ROPN1L: variants seen among roughly 807,000 people sequenced by gnomAD.
The protein encoded by ROPN1L is rhophilin associated tail protein 1 like, also known as ropporin-1-like protein.
ROPN1L carries 23 observed loss-of-function variants against 22.7 expected under a neutral mutation model. The ratio of observed to expected loss-of-function variants is 1.01; its 90% CI spans 0.73 to 1.43. The LOEUF is 1.43. Ranked by LOEUF, ROPN1L falls within the 40% of genes most tolerant of loss-of-function variation. The pLI is 0.00. For missense variants in ROPN1L, 271 were observed against 291.5 expected (o/e 0.93, Z 0.51); for synonymous variants, 116 against 117.8 (o/e 0.98, Z 0.10).
Position 10,442,306 on chromosome 5 carries a change from C to G in ROPN1L, c.131+8C>G, listed in dbSNP as rs1740910285. ...GCTGCGGTGGTCCGCGGGGTAAGCG[C>G]CCTTGGCCCGGGGAGCTGTCCGGTC... On this transcript the variant is annotated splice_region_variant and intron_variant, in intron 1 of 4. Transcript: ENST00000274134. The G allele has an allele frequency of 8.7e-6, 14 of 1,612,464 alleles. No homozygotes were observed. Among genetic ancestry groups the G allele is most frequent in the Non-Finnish European group, 1.2e-5 (14 of 1,179,654 alleles).
intron 4 of ROPN1L, among the ~76,000 whole-genome samples, chr5:10,471,428 G>C (rs947545695): frequency 6.6e-6 from 1 of 152,158 alleles, no homozygotes; most frequent in Non-Finnish European, 1.5e-5. Flanking sequence ...GATGACAGGC[G>C]TGAGCCACCA....
At chr5:10,469,069 G>A (rs1010862557), downstream of ROPN1L, among the ~76,000 whole-genome samples, 2 of 152,100 alleles carry the variant, frequency 1.3e-5, no homozygotes, top group Non-Finnish European at 2.9e-5. Flanking sequence ...GCAGGAGAAT[G>A]GCGTGAACCT....
chr5:10,442,587 TAAC>T (rs1740923236), intron 1 of ROPN1L, among the ~76,000 whole-genome samples: 1 of 152,270 alleles, frequency 6.6e-6, no homozygotes, highest in Admixed American at 6.5e-5. Context: ...GACTAAAACT[TAAC>T]AAAGTAATTG....
chr5:10,464,610 A>C (rs1349864125), intron 4 of ROPN1L, among the ~76,000 whole-genome samples: 3 of 152,228 alleles, frequency 2.0e-5, no homozygotes, highest in Admixed American at 2.0e-4. Flanking sequence ...AAAAAAGAAA[A>C]ACCTATGCAT....
chr5:10,444,691 G>A (rs896699992), intron 1 of ROPN1L, among the ~76,000 whole-genome samples: 1 of 148,818 alleles, frequency 6.7e-6, no homozygotes, highest in Non-Finnish European at 1.5e-5. Context: ...CTGAGGTCAG[G>A]AGTTCGAGAC....
chr5:10,470,929 AG>A (rs1294249510), intron 4 of ROPN1L, among the ~76,000 whole-genome samples: 1 of 152,208 alleles, frequency 6.6e-6, no homozygotes, highest in Non-Finnish European at 1.5e-5. Flanking sequence ...TCCCAGTGGC[AG>A]GGAAGGCTGC....
chr5:10,468,605 A>T (rs1735195150), downstream of ROPN1L, among the ~76,000 whole-genome samples: 1 of 152,266 alleles, frequency 6.6e-6, no homozygotes, highest in Admixed American at 6.5e-5. Context: ...TATTGCAAAT[A>T]TCATTAACTG....
intron 2 of ROPN1L, 121 bp downstream of exon 2, chr5:10,448,504 C>A: frequency 9.1e-7 from 1 of 1,102,970 alleles, no homozygotes; most frequent in Non-Finnish European, 1.3e-6. Context: ...CCTGAGGTCC[C>A]TGAAATCCTG....
downstream of ROPN1L, chr5:10,465,056 TGGGA>T: frequency 1.8e-6 from 1 of 566,078 alleles, no homozygotes; most frequent in Non-Finnish European, 3.1e-6. Context: ...TTTCTCTAAA[TGGGA>T]ATTTAGTGTG....
intron 4 of ROPN1L, 198 bp downstream of exon 4, chr5:10,461,557 C>A (rs986078417): frequency 3.8e-5 from 21 of 554,206 alleles, no homozygotes; most frequent in Non-Finnish European, 6.7e-5. Context: ...GCAGCAGACA[C>A]CAGCTGTGCA....
At chr5:10,480,693 G>A in the ROPN1L span, among the ~76,000 whole-genome samples, 7 of 152,156 alleles carry the variant, frequency 4.6e-5, no homozygotes. Context: ...CATCCCCTGG[G>A]AGAGCCTTGG....
intron 3 of ROPN1L, among the ~76,000 whole-genome samples, chr5:10,456,657 G>A (rs1022894814): frequency 1.9e-4 from 29 of 152,278 alleles, no homozygotes; most frequent in African/African-American, 6.3e-4. Flanking sequence ...ACAGGCCTTT[G>A]GAATTGAGAA....
chr5:10,473,289 C>T (rs1164446596), downstream of ROPN1L, among the ~76,000 whole-genome samples: 1 of 152,126 alleles, frequency 6.6e-6, no homozygotes, highest in Non-Finnish European at 1.5e-5. Flanking sequence ...AAGATGTGAG[C>T]ATCCTGGATT....
the ROPN1L span, among the ~76,000 whole-genome samples, chr5:10,480,214 C>A: frequency 6.6e-6 from 1 of 152,320 alleles, no homozygotes; most frequent in South Asian, 2.1e-4. Context: ...TTTTGATTGT[C>A]CCCTGGAGCT....
Position 10,442,117 on chromosome 5 carries a change from T to A in ROPN1L, c.-51T>A. The stretch of plus-strand genomic sequence containing the variant: ...GCGTCGTAGCCGACAGCCGCCCTTC[T>A]TCCTCGCAGCGCGCCGCGATTCACC... On this transcript the variant is annotated 5_prime_UTR_variant, in exon 1 of 5. Coordinates refer to ENST00000274134, the MANE Select transcript of ROPN1L (RefSeq NM_031916.5). 6.3e-7 allele frequency: 1 copy of A among 1,581,102 alleles called. No homozygotes were observed. Among genetic ancestry groups the A allele is most frequent in the Non-Finnish European group, 8.6e-7 (1 of 1,156,110 alleles).
chr5:10,469,262 C>T (rs1306333545), downstream of ROPN1L, among the ~76,000 whole-genome samples: 1 of 151,358 alleles, frequency 6.6e-6, no homozygotes, highest in Non-Finnish European at 1.5e-5. Context: ...ATTGTTTGAG[C>T]CCAGGAGTTT....
At chr5:10,458,890 T>TCGTGTACACCATCCCCC (rs1734939433) in intron 3 of ROPN1L, among the ~76,000 whole-genome samples, 1 of 13,112 alleles carries the variant, frequency 7.6e-5, no homozygotes, top group Non-Finnish European at 1.7e-4. Flanking sequence ...CACCATCCCC[T>TCGTGTACACCATCCCCC]CGTGTACACC....
downstream of ROPN1L, among the ~76,000 whole-genome samples, chr5:10,466,156 A>G (rs915023446): frequency 6.6e-6 from 1 of 152,258 alleles, no homozygotes; most frequent in East Asian, 1.9e-4. Flanking sequence ...CTTCCAGGCC[A>G]GGGCTCAGGC....
chr5:10,473,992 A>G (rs925538098), downstream of ROPN1L, among the ~76,000 whole-genome samples: 5 of 152,042 alleles, frequency 3.3e-5, no homozygotes, highest in Non-Finnish European at 7.4e-5. Flanking sequence ...TCTCTACTAA[A>G]ATACAAAAAA....
Sources: allele counts gnomAD v4.1 joint callset (sites outside exome capture counted in the v4.1 genomes callset), GRCh38; gene constraint gnomAD v4.1.1; transcripts MANE v1.5; gene names NCBI Gene and HGNC (gene_info 2026-07-23, HGNC 2026-07-21).